GPM6A: variants seen among roughly 807,000 people sequenced by gnomAD.
GPM6A encodes the protein neuronal membrane glycoprotein M6-a.
GPM6A carries 7 observed loss-of-function variants against 32.1 expected under a neutral mutation model. That is an observed-to-expected ratio of 0.22 (90% CI 0.12 to 0.41). GPM6A has a LOEUF of 0.41. GPM6A is among the 10% of genes least tolerant of loss of function. The probability of loss-of-function intolerance (pLI) is 1.00; values close to 1 mark genes in which losing one functional copy is unlikely to be tolerated. For synonymous variants in GPM6A, 130 were observed against 123.4 expected (o/e 1.05, Z -0.35); for missense variants, 235 against 347.2 (o/e 0.68, Z 2.57).
Position 175,847,226 on chromosome 4 carries a change from T to G in GPM6A, c.-22-34977A>C, listed in dbSNP as rs565695949. On this transcript the variant is annotated intron_variant, in intron 1 of 7. Transcript: ENST00000280187. ...AGTCTAGAAACAAAGTTTCTACTTG[T>G]TCACATGCCCATTAAAGCAAATTCC... 9.3e-4 allele frequency among the ~76,000 whole-genome samples: 142 copies of G among 152,292 alleles called. 1 individual carries two copies. The highest frequency in any genetic ancestry group is 3.2e-3 in the African/African-American group (132 of 41,568).
intron 1 of GPM6A, among the ~76,000 whole-genome samples, chr4:175,833,537 C>G (rs1488307944): frequency 6.6e-6 from 1 of 152,146 alleles, no homozygotes. Flanking sequence ...TGGAATAAGG[C>G]AAGGTATAAA....
At chr4:175,997,134 G>A (rs59634557) in intron 1 of GPM6A, among the ~76,000 whole-genome samples, 3,780 of 152,176 alleles carry the variant, frequency 0.025, 139 homozygotes, top group African/African-American at 0.085. Flanking sequence ...TCAGATGGCT[G>A]AATCCCCTGC....
intron 1 of GPM6A, among the ~76,000 whole-genome samples, chr4:175,984,442 C>T (rs1740912795): frequency 6.6e-6 from 1 of 152,152 alleles, no homozygotes; most frequent in Non-Finnish European, 1.5e-5. Context: ...GGATAACAGG[C>T]ATGAGCCACC....
At chr4:175,945,862 T>C (rs1253329439) in intron 1 of GPM6A, among the ~76,000 whole-genome samples, 3 of 152,150 alleles carry the variant, frequency 2.0e-5, no homozygotes, top group African/African-American at 4.8e-5. Flanking sequence ...GGGTGCATAT[T>C]ACGTACAACT....
At chr4:175,669,976 G>T (rs1057147361) in intron 3 of GPM6A, among the ~76,000 whole-genome samples, 4 of 151,922 alleles carry the variant, frequency 2.6e-5, no homozygotes, top group African/African-American at 9.7e-5. Flanking sequence ...GGAGAAACAT[G>T]GAACCGGGTG....
intron 2 of GPM6A, among the ~76,000 whole-genome samples, chr4:175,686,279 A>G (rs752923316): frequency 2.0e-5 from 3 of 152,250 alleles, no homozygotes; most frequent in Non-Finnish European, 2.9e-5. Context: ...AGTTTTAACC[A>G]TTACTTTCAA....
At chr4:175,653,614 C>A (rs1400568535) in intron 3 of GPM6A, among the ~76,000 whole-genome samples, 1 of 151,938 alleles carries the variant, frequency 6.6e-6, no homozygotes, top group Non-Finnish European at 1.5e-5. Context: ...AAAAGGTATT[C>A]TTTTTTAAAA....
At chr4:175,744,010 AG>A (rs1305885734) in intron 1 of GPM6A, among the ~76,000 whole-genome samples, 2 of 151,982 alleles carry the variant, frequency 1.3e-5, no homozygotes, top group Non-Finnish European at 2.9e-5. Flanking sequence ...ATGAACAAAA[AG>A]GTTAACAAAC....
intron 1 of GPM6A, among the ~76,000 whole-genome samples, chr4:175,858,652 G>A (rs932975879): frequency 6.6e-6 from 1 of 151,988 alleles, no homozygotes; most frequent in African/African-American, 2.4e-5. Flanking sequence ...AGAAACTTTG[G>A]AAAACATTTA....
chr4:175,634,851 G>T lies in GPM6A; in HGVS notation c.*54C>A. ...TTTTTAAAGGTTGGATGGTTGGATG[G>T]CCCTTAGTTAAACACCAATGCATTC... On this transcript the variant is annotated 3_prime_UTR_variant, in exon 7 of 7. Coordinates refer to ENST00000393658, the MANE Select transcript of GPM6A (RefSeq NM_201591.3). 1.4e-6 allele frequency: 2 copies of T among 1,475,092 alleles called. No homozygotes were observed. The highest frequency in any genetic ancestry group is 1.9e-6 in the Non-Finnish European group (2 of 1,061,440). The allele number at this position is 1,475,092 out of a possible 1,614,324, so 91.4% of individuals were successfully genotyped here.
intron 3 of GPM6A, among the ~76,000 whole-genome samples, chr4:175,658,646 G>C (rs1742224941): frequency 6.6e-6 from 1 of 152,174 alleles, no homozygotes. Flanking sequence ...GTGAGGTAGT[G>C]ATAACGGGAG....
At chr4:175,971,043 A>T (rs1368054225) in intron 1 of GPM6A, 1 of 324,114 alleles carries the variant, frequency 3.1e-6, no homozygotes, top group Non-Finnish European at 6.0e-6. Flanking sequence ...AAAGTAAAGG[A>T]TACAGACCCC....
intron 3 of GPM6A, among the ~76,000 whole-genome samples, chr4:175,653,119 C>A (rs536248739): frequency 1.3e-5 from 2 of 152,136 alleles, no homozygotes; most frequent in South Asian, 2.1e-4. Context: ...TATTCAATAA[C>A]CCTCATAATA....
chr4:175,870,500 A>G (rs1736873671), intron 1 of GPM6A, among the ~76,000 whole-genome samples: 1 of 152,228 alleles, frequency 6.6e-6, no homozygotes, highest in African/African-American at 2.4e-5. Context: ...AATAATGTAT[A>G]TAAAATATTT....
intron 5 of GPM6A, 33 bp downstream of exon 5, chr4:175,640,720 T>A: frequency 7.3e-7 from 1 of 1,363,320 alleles, no homozygotes; most frequent in Non-Finnish European, 1.0e-6. Flanking sequence ...ATGCTAAAAT[T>A]CTGACAAAAT....
rs17607557 is a variant in GPM6A, at chr4:175,786,021, G to A, written c.37+26170C>T. 1.0e-2 allele frequency among the ~76,000 whole-genome samples: 1,519 copies of A among 152,214 alleles called. 17 individuals carry two copies. Among genetic ancestry groups the A allele is most frequent in the Non-Finnish European group, 0.017 (1,163 of 67,998 alleles). On this transcript the variant is annotated intron_variant, in intron 1 of 6. Coordinates refer to ENST00000393658, the MANE Select transcript of GPM6A (RefSeq NM_201591.3). ...AGAAAAAAAAATATGAGAGAGCATC[G>A]CATAAACCTATAGTTTCCAAGCTGT...
intron 4 of GPM6A, among the ~76,000 whole-genome samples, chr4:175,646,109 C>T (rs1020224636): frequency 2.6e-5 from 4 of 152,154 alleles, no homozygotes; most frequent in Non-Finnish European, 5.9e-5. Flanking sequence ...ATAATTCAGG[C>T]TCGTTACTTT....
chr4:175,713,194 T>C (rs1035537786), intron 1 of GPM6A, among the ~76,000 whole-genome samples: 3 of 151,196 alleles, frequency 2.0e-5, no homozygotes, highest in Non-Finnish European at 2.9e-5. Context: ...ATAATCTCTA[T>C]TTTTATTTTT....
chr4:175,836,817 T>C (rs886515100), intron 1 of GPM6A, among the ~76,000 whole-genome samples: 1 of 152,198 alleles, frequency 6.6e-6, no homozygotes, highest in Admixed American at 6.5e-5. Context: ...GAACATGAGA[T>C]TAGAACTATT....
Sources: gnomAD v4.1 joint callset for allele counts (sites outside exome capture counted in the v4.1 genomes callset) on GRCh38, gnomAD v4.1.1 for gene constraint, MANE v1.5 for transcripts, NCBI Gene and HGNC (gene_info 2026-07-23, HGNC 2026-07-21) for gene names.